ESRRG: variants seen among roughly 807,000 people sequenced by gnomAD.
The protein encoded by ESRRG is estrogen related receptor gamma, also known as estrogen-related receptor gamma.
ESRRG carries 13 observed loss-of-function variants against 44.0 expected under a neutral mutation model. The observed-to-expected ratio is 0.30, with a 90% CI of 0.19 to 0.47. The LOEUF (loss-of-function observed/expected upper bound fraction) is 0.47, where lower values mean the gene tolerates loss of function less well. ESRRG is among the 20% of genes least tolerant of loss of function. The pLI is 1.00. For synonymous variants in ESRRG, 215 were observed against 214.6 expected (o/e 1.00, Z -0.02); for missense variants, 395 against 580.6 (o/e 0.68, Z 3.29).
chr1:216,981,661 A>G (rs1366597916), intron 1 of ESRRG, among the ~76,000 whole-genome samples: 2 of 152,094 alleles, frequency 1.3e-5, no homozygotes, highest in Non-Finnish European at 2.9e-5. Context: ...AATTTTTACT[A>G]CCCATATAAT....
At chr1:216,516,668 C>CACACACACACACACACACACACACACAG (rs376701865) in intron 6 of ESRRG, among the ~76,000 whole-genome samples, 8 of 137,168 alleles carry the variant, frequency 5.8e-5, no homozygotes, top group South Asian at 2.3e-4. Flanking sequence ...CACACACACA[C>CACACACACACACACACACACACACACAG]AGAGAGAGAG....
intron 1 of ESRRG, among the ~76,000 whole-genome samples, chr1:217,105,699 T>C (rs1204835467): frequency 6.6e-6 from 1 of 152,164 alleles, no homozygotes; most frequent in Non-Finnish European, 1.5e-5. Flanking sequence ...CTGCATACTA[T>C]TCTCCTAGTT....
intron 2 of ESRRG, among the ~76,000 whole-genome samples, chr1:216,745,138 A>C (rs1054387932): frequency 2.0e-5 from 3 of 151,466 alleles, no homozygotes; most frequent in Non-Finnish European, 4.4e-5. Flanking sequence ...CTTGTCTTTC[A>C]TCCTTTTTTT....
intron 1 of ESRRG, among the ~76,000 whole-genome samples, chr1:217,123,199 C>T (rs919174069): frequency 6.6e-6 from 1 of 151,954 alleles, no homozygotes; most frequent in Non-Finnish European, 1.5e-5. Flanking sequence ...CTCTGTTTCT[C>T]GTGGAAATGA....
intron 1 of ESRRG, among the ~76,000 whole-genome samples, chr1:216,695,220 A>G (rs1246502371): frequency 6.6e-6 from 1 of 151,984 alleles, no homozygotes; most frequent in African/African-American, 2.4e-5. Flanking sequence ...ATAATATAAA[A>G]ACAAATTAAT....
chr1:216,967,662 A>G (rs2070748288), intron 1 of ESRRG, among the ~76,000 whole-genome samples: 1 of 152,200 alleles, frequency 6.6e-6, no homozygotes, highest in Non-Finnish European at 1.5e-5. Context: ...GGTTGCTTCC[A>G]AATTTTGGCA....
At chr1:216,602,168 G>A (rs368066950) in intron 3 of ESRRG, among the ~76,000 whole-genome samples, 19 of 152,290 alleles carry the variant, frequency 1.2e-4, no homozygotes, top group Middle Eastern at 6.8e-3. Flanking sequence ...AGAAAGTGCC[G>A]TAGTAAAGGC....
At chr1:216,990,534 CG>C (rs1313466505) in intron 1 of ESRRG, among the ~76,000 whole-genome samples, 3 of 151,984 alleles carry the variant, frequency 2.0e-5, no homozygotes, top group Non-Finnish European at 4.4e-5. Flanking sequence ...CACTTGTATG[CG>C]GATTTTCTCC....
rs2081106664 is a variant in ESRRG, at chr1:217,025,894, A to G, written c.-106+63613T>C. Among the ~76,000 whole-genome samples the G allele has an allele frequency of 2.0e-5, 3 of 152,254 alleles. No individual in the cohort carries two copies. In the East Asian group the frequency reaches 5.8e-4, roughly 29 times the overall value. On this transcript the variant is annotated intron_variant, in intron 1 of 7. Coordinates refer to the ESRRG transcript ENST00000359162. ...TCCATAGTCCTGGTAAGTCATTTTCATTTGGTTTTTCTATTGTCTCTTTTA... is the reference window on the plus strand; with the variant it reads ...TCCATAGTCCTGGTAAGTCATTTTCGTTTGGTTTTTCTATTGTCTCTTTTA...
chr1:216,533,480 G>A (rs188274648), intron 5 of ESRRG, among the ~76,000 whole-genome samples: 1 of 152,216 alleles, frequency 6.6e-6, no homozygotes, highest in African/African-American at 2.4e-5. Context: ...CTCAGAGCCT[G>A]CATTTATTTA....
intron 2 of ESRRG, among the ~76,000 whole-genome samples, chr1:216,763,614 G>A (rs1390147876): frequency 1.3e-5 from 2 of 152,110 alleles, no homozygotes; most frequent in Non-Finnish European, 2.9e-5. Context: ...CCCTGATATT[G>A]TAAGGTTAAG....
chr1:216,587,693 T>C (rs770368330), intron 3 of ESRRG, among the ~76,000 whole-genome samples: 52 of 152,212 alleles, frequency 3.4e-4, no homozygotes, highest in Middle Eastern at 3.4e-3. Context: ...ATAAAACCAT[T>C]TGGAAAGAAA....
At chr1:217,105,771 C>T (rs139916993) in intron 1 of ESRRG, among the ~76,000 whole-genome samples, 1 of 152,152 alleles carries the variant, frequency 6.6e-6, no homozygotes, top group African/African-American at 2.4e-5. Flanking sequence ...ATTCTAGTAG[C>T]CATCCCTGTG....
At chr1:216,636,276 T>G (rs550857522) in intron 3 of ESRRG, among the ~76,000 whole-genome samples, 3 of 152,248 alleles carry the variant, frequency 2.0e-5, no homozygotes, top group Non-Finnish European at 4.4e-5. Context: ...TGTAAGATAT[T>G]ATACTACTTA....
intron 1 of ESRRG, among the ~76,000 whole-genome samples, chr1:217,055,751 CAG>C (rs10582231): frequency 0.33 from 50,490 of 151,948 alleles, 9,081 homozygotes; most frequent in Non-Finnish European, 0.4. Flanking sequence ...ATGAGGCCAC[CAG>C]AGTCTCCTTT....
chr1:216,564,167 C>G, intron 5 of ESRRG, 52 bp downstream of exon 5: 1 of 1,187,488 alleles, frequency 8.4e-7, no homozygotes, highest in Non-Finnish European at 1.2e-6. Flanking sequence ...TATACATAAC[C>G]TAGGGAATTA....
At chr1:216,991,274 C>T (rs891629008) in intron 1 of ESRRG, among the ~76,000 whole-genome samples, 2 of 152,116 alleles carry the variant, frequency 1.3e-5, no homozygotes, top group Non-Finnish European at 2.9e-5. Flanking sequence ...CTATAAAGAG[C>T]ACTAATACTG....
At chr1:217,089,233 A>G (rs1350077181) in intron 1 of ESRRG, among the ~76,000 whole-genome samples, 1 of 152,036 alleles carries the variant, frequency 6.6e-6, no homozygotes, top group Non-Finnish European at 1.5e-5. Flanking sequence ...TGTTTAAAGA[A>G]CAAATCTAAT....
At chr1:216,753,582 A>G (rs1182647375) in intron 2 of ESRRG, among the ~76,000 whole-genome samples, 1 of 152,252 alleles carries the variant, frequency 6.6e-6, no homozygotes, top group East Asian at 1.9e-4. Context: ...ATTTTAAAAA[A>G]GTTAATATCA....
Sources: allele counts gnomAD v4.1 joint callset (sites outside exome capture counted in the v4.1 genomes callset), GRCh38; gene constraint gnomAD v4.1.1; transcripts MANE v1.5; gene names NCBI Gene and HGNC (gene_info 2026-07-23, HGNC 2026-07-21).